Variants in BMPR2 observed in about 807,000 individuals in gnomAD.
BMPR2 encodes the protein bone morphogenetic protein receptor type 2.
BMPR2 carries 29 observed loss-of-function variants against 100.8 expected under a neutral mutation model. The observed-to-expected ratio is 0.29, with a 90% CI of 0.21 to 0.39. The LOEUF (loss-of-function observed/expected upper bound fraction) is 0.39, where lower values mean the gene tolerates loss of function less well. Among genes scored for constraint, BMPR2 ranks in the 10% least tolerant of loss-of-function variants. The pLI, the probability that BMPR2 is intolerant of heterozygous loss-of-function variation, is 1.00. For missense variants in BMPR2, 1,011 were observed against 1,274.5 expected, an observed-to-expected ratio of 0.79 and a Z score of 3.15; for synonymous variants, 382 against 442.3, an observed-to-expected ratio of 0.86 and a Z score of 1.71.
At chr2:202,400,772 A>G (rs552520254) in intron 1 of BMPR2, among the ~76,000 whole-genome samples, 1 of 152,338 alleles carries the variant, frequency 6.6e-6, no homozygotes, top group South Asian at 2.1e-4. Flanking sequence ...CTTTGCCACT[A>G]GAAATACACT....
At chr2:202,527,514 G>A (rs1428983405) in intron 7 of BMPR2, among the ~76,000 whole-genome samples, 3 of 142,220 alleles carry the variant, frequency 2.1e-5, no homozygotes, top group Admixed American at 1.4e-4. Flanking sequence ...GGCCGGGCGC[G>A]GTGGCTCACG....
At chr2:202,391,058 C>A (rs1241957476) in intron 1 of BMPR2, among the ~76,000 whole-genome samples, 8 of 132,230 alleles carry the variant, frequency 6.1e-5, no homozygotes, top group Non-Finnish European at 6.2e-5. Context: ...AATGGCGCAA[C>A]CTCTGCCTCC....
intron 10 of BMPR2, among the ~76,000 whole-genome samples, chr2:202,550,936 G>C (rs1311290179): frequency 2.9e-5 from 4 of 139,262 alleles, no homozygotes; most frequent in Non-Finnish European, 6.2e-5. Context: ...ATTTCTTGTA[G>C]AGCATATCAG....
At chr2:202,498,374 G>C (rs1452846077) in intron 3 of BMPR2, among the ~76,000 whole-genome samples, 2 of 152,064 alleles carry the variant, frequency 1.3e-5, no homozygotes. Context: ...GTCAGTGAGC[G>C]CAACTATTCC....
intron 3 of BMPR2, among the ~76,000 whole-genome samples, chr2:202,499,004 C>T (rs62194096): frequency 6.7e-6 from 1 of 149,672 alleles, no homozygotes; most frequent in Admixed American, 6.7e-5. Flanking sequence ...TAATGATAAT[C>T]CTCCTCTAAT....
At chr2:202,415,315 C>T (rs1027674875) in intron 1 of BMPR2, among the ~76,000 whole-genome samples, 6 of 151,936 alleles carry the variant, frequency 3.9e-5, no homozygotes, top group African/African-American at 9.7e-5. Flanking sequence ...ACTAAAAATA[C>T]AAAAAATTAG....
chr2:202,421,856 T>G (rs1691269774), intron 1 of BMPR2, among the ~76,000 whole-genome samples: 1 of 152,086 alleles, frequency 6.6e-6, no homozygotes, highest in Non-Finnish European at 1.5e-5. Flanking sequence ...CTCAAGAAAT[T>G]GATAGGTAAC....
chr2:202,426,573 A>G (rs1691389937), intron 1 of BMPR2, among the ~76,000 whole-genome samples: 1 of 150,738 alleles, frequency 6.6e-6, no homozygotes. Context: ...CGTCTCAAAA[A>G]AAAAAAAAAA....
intron 1 of BMPR2, among the ~76,000 whole-genome samples, chr2:202,453,503 T>C (rs182943404): frequency 5.9e-5 from 9 of 152,152 alleles, no homozygotes; most frequent in Non-Finnish European, 2.9e-5. Flanking sequence ...GATTCTGTTA[T>C]TTGCAACAAC....
chr2:202,422,563 C>A (rs1691288721), intron 1 of BMPR2, among the ~76,000 whole-genome samples: 1 of 152,214 alleles, frequency 6.6e-6, no homozygotes, highest in Non-Finnish European at 1.5e-5. Flanking sequence ...GCCTCAGCCT[C>A]CCAAAGTTCT....
At chr2:202,559,637 C>T (rs1688646529) in intron 12 of BMPR2, 59 bp from the exon 13 acceptor site, 4 of 1,576,182 alleles carry the variant, frequency 2.5e-6, no homozygotes, top group South Asian at 1.1e-5. Flanking sequence ...AGTTACATCC[C>T]TTACCCGTTA....
intron 3 of BMPR2, among the ~76,000 whole-genome samples, chr2:202,493,034 A>G (rs1437581518): frequency 2.6e-5 from 4 of 152,176 alleles, no homozygotes; most frequent in Admixed American, 2.0e-4. Flanking sequence ...ACAGTTCTTG[A>G]GTATGGATTC....
intron 1 of BMPR2, among the ~76,000 whole-genome samples, chr2:202,388,052 T>G (rs184158304): frequency 1.3e-3 from 194 of 152,280 alleles, no homozygotes; most frequent in African/African-American, 4.5e-3. Flanking sequence ...AATCTATAAA[T>G]TCAGTTTAGT....
Position 202,563,857 on chromosome 2 carries a change from T to C in BMPR2, c.*3911T>C, listed in dbSNP as rs905151771. 3.9e-5 allele frequency: 6 copies of C among 152,212 alleles called. No individual in the cohort carries two copies. The highest frequency in any genetic ancestry group is 1.4e-4 in the African/African-American group (6 of 41,450). 9.4% of individuals were successfully genotyped at this position (152,212 alleles called of 1,614,324 possible). A position where few individuals can be genotyped will look rare whatever the true frequency, so the allele number is the denominator to read the frequency against. ...TAGAAAATTTACTAATCTATAGAACTAATTGAGTAGGATATAGGAAGGATA... is the reference window on the plus strand; with the variant it reads ...TAGAAAATTTACTAATCTATAGAACCAATTGAGTAGGATATAGGAAGGATA... On this transcript the variant is annotated 3_prime_UTR_variant, in exon 13 of 13. Coordinates refer to ENST00000374580, the MANE Select transcript of BMPR2 (RefSeq NM_001204.7).
chr2:202,547,608 C>A (rs1688398247), intron 10 of BMPR2, among the ~76,000 whole-genome samples: 2 of 150,906 alleles, frequency 1.3e-5, no homozygotes, highest in Non-Finnish European at 2.9e-5. Flanking sequence ...CATGGTGAAA[C>A]CCCATCTCTA....
chr2:202,384,335 C>T lies in BMPR2; in HGVS notation c.76+6785C>T, dbSNP rs1302501820. Among the ~76,000 whole-genome samples, 5 of 152,154 alleles carry T rather than the reference C, an allele frequency of 3.3e-5. No individual in the cohort carries two copies. The East Asian group carries it at 5.8e-4, about 18-fold the overall frequency. Reference sequence around the variant, plus strand: ...AGTGCAAAATGTGTGCAATCATTCACGTCTTAAATGTGTCGACGGTGGACT... The same window carrying T: ...AGTGCAAAATGTGTGCAATCATTCATGTCTTAAATGTGTCGACGGTGGACT... On this transcript the variant is annotated intron_variant, in intron 1 of 12. Coordinates refer to ENST00000374580, the MANE Select transcript of BMPR2 (RefSeq NM_001204.7).
At chr2:202,513,878 A>C in intron 4 of BMPR2, 49 bp downstream of exon 4, 1 of 1,406,214 alleles carries the variant, frequency 7.1e-7, no homozygotes, top group Non-Finnish European at 1.0e-6. Context: ...ATGCAATTTA[A>C]TCAATTTATT....
In BMPR2 at chr2:202,495,275, T is replaced by C. The variant is rs1429786454; in HGVS notation, c.419-18444T>C. 6.6e-6 allele frequency among the ~76,000 whole-genome samples: 1 copy of C among 152,138 alleles called. No homozygotes were observed. The highest frequency in any genetic ancestry group is 6.5e-5 in the Admixed American group (1 of 15,268). On this transcript the variant is annotated intron_variant, in intron 3 of 12. Transcript: ENST00000374580. This position sits in a 1 kb window ranked among gnomAD's most constrained non-coding sequence, Gnocchi z 4.5. Reference sequence around the variant, plus strand: ...TGCAAGGTTTATTAGTAGAAGTAGCTCTCAGCAGATGGGGGAACCAGAAGG... The same window carrying C: ...TGCAAGGTTTATTAGTAGAAGTAGCCCTCAGCAGATGGGGGAACCAGAAGG...
At position 202,513,766 on chromosome 2, in the gene BMPR2, G is replaced by T. The variant is rs1289043836; in HGVS notation, c.466G>T (p.Ala156Ser). Residue 156 changes from alanine (A) to serine (S), a missense_variant, in exon 4 of 13, where the codon GCA becomes TCA. Physicochemically the swap from Ala to Ser is moderately conservative, Grantham distance 99. Around this residue, in one of 6 missense-constraint regions of BMPR2, gnomAD observed 355 missense variants for 455.3 expected, o/e 0.78. Transcript: ENST00000374580. ...AGATGAGACAATAATCATTGCTTTG[G>T]CATCAGTCTCTGTATTAGCTGTTTT... ...NRDETIIIAL[A>S]SVSVLAVLIV... The T allele has an allele frequency of 1.2e-6, 2 of 1,612,742 alleles. No individual in the cohort carries two copies. Among genetic ancestry groups the T allele is most frequent in the Admixed American group, 3.3e-5 (2 of 59,962 alleles).
Sources: gnomAD v4.1 joint callset for allele counts (sites outside exome capture counted in the v4.1 genomes callset) on GRCh38, gnomAD v4.1.1 for gene constraint, gnomAD v4.1.1 regional missense constraint, Gnocchi (gnomAD v3.1) non-coding constraint, MANE v1.5 for transcripts, NCBI Gene and HGNC (gene_info 2026-07-23, HGNC 2026-07-21) for gene names.